Variants in TENM2 observed in about 807,000 individuals in gnomAD.
The protein encoded by TENM2 is teneurin-2.
TENM2 carries 52 observed loss-of-function variants against 245.2 expected under a neutral mutation model. The observed-to-expected ratio is 0.21, with a 90% CI of 0.17 to 0.27. The LOEUF is 0.27. Ranked by LOEUF, TENM2 falls within the 10% of genes least tolerant of loss-of-function variation. TENM2 has a pLI of 1.00. For missense variants in TENM2, 3,046 were observed against 3,666.8 expected, an observed-to-expected ratio of 0.83 and a Z score of 4.37; for synonymous variants, 1,363 against 1,438.9, an observed-to-expected ratio of 0.95 and a Z score of 1.19.
the TENM2 span, among the ~76,000 whole-genome samples, chr5:167,166,780 C>A: frequency 1.3e-5 from 2 of 152,074 alleles, no homozygotes; most frequent in Non-Finnish European, 2.9e-5. Flanking sequence ...TGCCTATTCT[C>A]AATAATATTA....
chr5:167,028,565 T>G, the TENM2 span, among the ~76,000 whole-genome samples: 1 of 152,114 alleles, frequency 6.6e-6, no homozygotes, highest in Non-Finnish European at 1.5e-5. Context: ...CTTTTGTGAA[T>G]TTTTTAGGTG....
intron 8 of TENM2, among the ~76,000 whole-genome samples, chr5:168,093,301 C>T (rs139311349): frequency 7.9e-5 from 12 of 152,282 alleles, no homozygotes; most frequent in African/African-American, 2.9e-4. Flanking sequence ...TAGCAATTCT[C>T]CCAAGAGGAT....
At chr5:167,589,017 A>G (rs149194755) in intron 2 of TENM2, among the ~76,000 whole-genome samples, 85 of 152,282 alleles carry the variant, frequency 5.6e-4, no homozygotes, top group African/African-American at 1.8e-3. Context: ...CCTGGGCAAC[A>G]TGGCAAAACC....
chr5:167,677,811 T>C (rs1438800405), intron 2 of TENM2, among the ~76,000 whole-genome samples: 1 of 151,246 alleles, frequency 6.6e-6, no homozygotes, highest in South Asian at 2.1e-4. Flanking sequence ...GATTCTAAGA[T>C]AAGTTTGAAT....
chr5:167,064,387 T>C, the TENM2 span, among the ~76,000 whole-genome samples: 13 of 152,210 alleles, frequency 8.5e-5, no homozygotes, highest in Non-Finnish European at 1.8e-4. Context: ...AGCATATCAT[T>C]ATGCGTGAGC....
chr5:167,184,524 C>A, the TENM2 span, among the ~76,000 whole-genome samples: 1 of 152,082 alleles, frequency 6.6e-6, no homozygotes, highest in East Asian at 1.9e-4. Flanking sequence ...CATGTCAGAG[C>A]ACTTTAATGG....
chr5:167,146,900 T>C, the TENM2 span, among the ~76,000 whole-genome samples: 1 of 152,146 alleles, frequency 6.6e-6, no homozygotes, highest in Admixed American at 6.5e-5. Context: ...CATGATTTTA[T>C]AGAAAATATA....
At chr5:168,097,085 C>A (rs899604367) in intron 8 of TENM2, among the ~76,000 whole-genome samples, 1 of 152,130 alleles carries the variant, frequency 6.6e-6, no homozygotes, top group Non-Finnish European at 1.5e-5. Flanking sequence ...ATTTGTATAA[C>A]CGCAAACCTC....
chr5:167,796,853 C>T (rs1765358080), intron 2 of TENM2, among the ~76,000 whole-genome samples: 1 of 152,104 alleles, frequency 6.6e-6, no homozygotes, highest in Non-Finnish European at 1.5e-5. Context: ...GGAATTCTCT[C>T]TAGCTGGCTT....
intron 2 of TENM2, among the ~76,000 whole-genome samples, chr5:167,629,785 G>T (rs944154474): frequency 2.6e-5 from 4 of 152,078 alleles, no homozygotes; most frequent in African/African-American, 9.7e-5. Flanking sequence ...TGCACTTCTT[G>T]TGCCTTATGA....
intron 2 of TENM2, among the ~76,000 whole-genome samples, chr5:167,670,220 G>A (rs1755843300): frequency 6.6e-6 from 1 of 152,112 alleles, no homozygotes. Flanking sequence ...CAAAAAGATG[G>A]ATGGCAATGC....
At chr5:168,058,567 G>A (rs1789764438) in intron 6 of TENM2, among the ~76,000 whole-genome samples, 1 of 152,200 alleles carries the variant, frequency 6.6e-6, no homozygotes, top group South Asian at 2.1e-4. Flanking sequence ...TAGTGTGAAG[G>A]TGCACTTGAC....
At chr5:167,395,845 T>C (rs753757709) in intron 2 of TENM2, among the ~76,000 whole-genome samples, 31 of 152,144 alleles carry the variant, frequency 2.0e-4, no homozygotes, top group Non-Finnish European at 3.7e-4. Context: ...ACTTGCTATA[T>C]ATGAAAAGAC....
At chr5:167,356,187 C>CAAAAAAAAAAA (rs58804392) in intron 1 of TENM2, among the ~76,000 whole-genome samples, 2 of 74,016 alleles carry the variant, frequency 2.7e-5, no homozygotes, top group African/African-American at 1.3e-4. Context: ...GACTCCATCT[C>CAAAAAAAAAAA]AAAAAAAAAA....
At chr5:167,375,543 T>G (rs1203926016) in intron 2 of TENM2, 70 bp downstream of exon 4, 3 of 1,457,838 alleles carry the variant, frequency 2.1e-6, no homozygotes, top group African/African-American at 1.4e-5. Context: ...AATGTTTTTG[T>G]TTTTTAATGA....
At chr5:167,571,292 CA>C (rs746613457) in intron 2 of TENM2, among the ~76,000 whole-genome samples, 14 of 152,148 alleles carry the variant, frequency 9.2e-5, no homozygotes, top group Non-Finnish European at 1.5e-4. Flanking sequence ...CAAAATAACT[CA>C]GTCAAGGTCA....
chr5:167,255,627 G>A, the TENM2 span, among the ~76,000 whole-genome samples: 3 of 152,030 alleles, frequency 2.0e-5, no homozygotes, highest in African/African-American at 7.2e-5. Flanking sequence ...TCGATTTTTT[G>A]TGGCCCTGAT....
At chr5:167,959,255 C>T (rs574439600) in intron 4 of TENM2, among the ~76,000 whole-genome samples, 73 of 148,958 alleles carry the variant, frequency 4.9e-4, no homozygotes, top group African/African-American at 1.7e-3. Flanking sequence ...AGTGCAGTGG[C>T]GCGATCTCGG....
chr5:167,017,471 G>A, the TENM2 span, among the ~76,000 whole-genome samples: 1 of 152,182 alleles, frequency 6.6e-6, no homozygotes, highest in East Asian at 1.9e-4. Context: ...CAGCAGAAAA[G>A]CAGCCATAGA....
Sources: allele counts gnomAD v4.1 joint callset (sites outside exome capture counted in the v4.1 genomes callset), GRCh38; gene constraint gnomAD v4.1.1; transcripts MANE v1.5; gene names NCBI Gene and HGNC (gene_info 2026-07-23, HGNC 2026-07-21).